Variants in CHST8 observed in about 807,000 individuals in gnomAD.
The protein encoded by CHST8 is carbohydrate sulfotransferase 8, also known as GALNAC-4-ST1.
Under a neutral mutation model 15.0 loss-of-function variants are expected in CHST8, and 10 were observed. The observed-to-expected ratio is 0.67, with a 90% CI of 0.41 to 1.13. The LOEUF (loss-of-function observed/expected upper bound fraction) is 1.13. Among genes scored for constraint, CHST8 ranks in the 50% most tolerant of loss-of-function variants. The pLI, the probability that CHST8 is intolerant of heterozygous loss-of-function variation, is 0.00. For synonymous variants in CHST8, 259 were observed against 256.6 expected, an observed-to-expected ratio of 1.01 and a Z score of -0.09; for missense variants, 634 against 608.2, an observed-to-expected ratio of 1.04 and a Z score of -0.45.
chr19:33,725,484 G>A (rs1973875705), intron 3 of CHST8, among the ~76,000 whole-genome samples: 1 of 152,220 alleles, frequency 6.6e-6, no homozygotes, highest in Non-Finnish European at 1.5e-5. Context: ...GGGGCCTCGA[G>A]GCGCCAGTAC....
At chr19:33,715,187 G>A (rs284326) in intron 3 of CHST8, among the ~76,000 whole-genome samples, 73,120 of 152,068 alleles carry the variant, frequency 0.48, 17,896 homozygotes, top group East Asian at 0.73. Flanking sequence ...TCCCCTTCCC[G>A]ACTCGCCCAG....
chr19:33,657,751 C>T (rs531411062), intron 1 of CHST8, among the ~76,000 whole-genome samples: 21 of 151,812 alleles, frequency 1.4e-4, no homozygotes, highest in African/African-American at 4.8e-4. Context: ...TAATTATTTT[C>T]GCAGAGACAT....
At chr19:33,641,566 T>C (rs1197976194) in intron 1 of CHST8, among the ~76,000 whole-genome samples, 2 of 152,166 alleles carry the variant, frequency 1.3e-5, no homozygotes, top group Non-Finnish European at 2.9e-5. Context: ...GGTGGTGTAT[T>C]GGAACTGGTT....
intron 1 of CHST8, among the ~76,000 whole-genome samples, chr19:33,629,251 C>T (rs1352499892): frequency 1.3e-5 from 2 of 152,224 alleles, no homozygotes; most frequent in Non-Finnish European, 2.9e-5. Context: ...GTGGTGGTCT[C>T]CATGTGTGTT....
intron 1 of CHST8, among the ~76,000 whole-genome samples, chr19:33,626,981 G>A (rs894591517): frequency 6.6e-6 from 1 of 150,978 alleles, no homozygotes; most frequent in African/African-American, 2.4e-5. Flanking sequence ...ATAGAGATGG[G>A]GTCTCCCTAT....
intron 3 of CHST8, among the ~76,000 whole-genome samples, chr19:33,749,405 T>TC (rs1334557442): frequency 1.0e-3 from 58 of 58,172 alleles, no homozygotes; most frequent in African/African-American, 4.1e-3. Context: ...CCCTCCATCC[T>TC]CCTATCATCC....
intron 2 of CHST8, among the ~76,000 whole-genome samples, chr19:33,686,229 C>T (rs1209564356): frequency 6.6e-6 from 1 of 152,182 alleles, no homozygotes; most frequent in African/African-American, 2.4e-5. Context: ...TGAAGCTCCA[C>T]CACCATGGAG....
At chr19:33,752,705 G>A (rs1412811771) in intron 3 of CHST8, among the ~76,000 whole-genome samples, 3 of 152,118 alleles carry the variant, frequency 2.0e-5, no homozygotes, top group African/African-American at 7.2e-5. Flanking sequence ...TAAAATCCTT[G>A]CCATCCAAGA....
At position 33,713,685 on chromosome 19, in the gene CHST8, T is replaced by G. The variant is rs555501338; in HGVS notation, c.130+24294T>G. On this transcript the variant is annotated intron_variant, in intron 3 of 4. Transcript: ENST00000650847. ...GGTTCAAGTGCCCCTGTCTACCTCC[T>G]AAATAGATAGGATTACAGGTACCTG... Among the ~76,000 whole-genome samples the G allele has an allele frequency of 3.7e-4, 56 of 152,190 alleles. 1 individual carries two copies. In the South Asian group the frequency reaches 0.011, roughly 30 times the overall value.
At chr19:33,641,605 G>T (rs548710301) in intron 1 of CHST8, among the ~76,000 whole-genome samples, 2 of 152,330 alleles carry the variant, frequency 1.3e-5, no homozygotes, top group South Asian at 4.1e-4. Flanking sequence ...AGGGAAGAAG[G>T]GGGCTGGTAA....
At chr19:33,741,500 C>T (rs1479475698) in intron 3 of CHST8, among the ~76,000 whole-genome samples, 1 of 152,184 alleles carries the variant, frequency 6.6e-6, no homozygotes, top group Non-Finnish European at 1.5e-5. Context: ...ACACCACATA[C>T]CTGAGGCCAC....
In CHST8 at chr19:33,759,518, C is replaced by T. The variant is rs1453612338; in HGVS notation, c.131-11895C>T. Among the ~76,000 whole-genome samples, 8 of 152,268 alleles carry T rather than the reference C, an allele frequency of 5.3e-5. No individual in the cohort carries two copies. In the East Asian group the frequency reaches 5.8e-4, roughly 11 times the overall value. ...GGCCCACTGCCTCTACCCCTCTTTC[C>T]CTGAGAAGTGCTGGTATCATGCCCC... On this transcript the variant is annotated intron_variant, in intron 3 of 4. Coordinates refer to ENST00000650847, the MANE Select transcript of CHST8 (RefSeq NM_001127895.2).
chr19:33,768,952 C>T (rs1974910420), intron 3 of CHST8, among the ~76,000 whole-genome samples: 1 of 152,218 alleles, frequency 6.6e-6, no homozygotes, highest in Admixed American at 6.5e-5. Context: ...TTTATGGACA[C>T]ATGTAAACAG....
chr19:33,694,200 ATATATATATATATATATAT>A (rs1568331124), intron 3 of CHST8, among the ~76,000 whole-genome samples: 2,472 of 100,774 alleles, frequency 0.025, 106 homozygotes, highest in African/African-American at 0.088. Flanking sequence ...ATATATATAT[ATATATATATATATATATAT>A]AATGTTACCA....
chr19:33,688,918 C>T (rs1264021315), intron 2 of CHST8, among the ~76,000 whole-genome samples: 1 of 152,076 alleles, frequency 6.6e-6, no homozygotes, highest in Admixed American at 6.5e-5. Flanking sequence ...CAAGGCAGGG[C>T]CAGAGGGTGT....
intron 3 of CHST8, among the ~76,000 whole-genome samples, chr19:33,699,180 T>G (rs1160685551): frequency 6.6e-6 from 1 of 152,026 alleles, no homozygotes; most frequent in Non-Finnish European, 1.5e-5. Flanking sequence ...TGCCCATCTG[T>G]GTGAAGGCCC....
At chr19:33,676,218 C>T (rs1039908194) in intron 2 of CHST8, among the ~76,000 whole-genome samples, 25 of 152,178 alleles carry the variant, frequency 1.6e-4, no homozygotes, top group African/African-American at 6.0e-4. Context: ...ATCCAGTTTC[C>T]AAATTGGAAG....
intron 1 of CHST8, among the ~76,000 whole-genome samples, chr19:33,664,002 A>T (rs1404758660): frequency 6.6e-6 from 1 of 152,238 alleles, no homozygotes; most frequent in Non-Finnish European, 1.5e-5. Flanking sequence ...TACACCATTT[A>T]TGGCAAAAAC....
intron 1 of CHST8, among the ~76,000 whole-genome samples, chr19:33,650,639 C>T (rs941487202): frequency 7.7e-5 from 11 of 142,212 alleles, no homozygotes; most frequent in African/African-American, 2.9e-4. Context: ...TCAAACCATT[C>T]TCGTGCCTCA....
Sources: gnomAD v4.1 joint callset for allele counts (sites outside exome capture counted in the v4.1 genomes callset) on GRCh38, gnomAD v4.1.1 for gene constraint, MANE v1.5 for transcripts, NCBI Gene and HGNC (gene_info 2026-07-23, HGNC 2026-07-21) for gene names.